SPAG17: variants seen among roughly 807,000 people sequenced by gnomAD.
SPAG17 encodes the protein sperm associated antigen 17.
Under a neutral mutation model 273.6 loss-of-function variants are expected in SPAG17, and 169 were observed. That is an observed-to-expected ratio of 0.62 (90% CI 0.55 to 0.70). SPAG17 has a LOEUF of 0.70. SPAG17 is among the 30% of genes least tolerant of loss of function. The probability of loss-of-function intolerance (pLI) is 0.00; values close to 1 mark genes in which losing one functional copy is unlikely to be tolerated. For synonymous variants in SPAG17, 825 were observed against 873.2 expected (o/e 0.94, Z 0.97); for missense variants, 2,557 against 2,627.8 (o/e 0.97, Z 0.59).
intron 10 of SPAG17, among the ~76,000 whole-genome samples, chr1:118,087,839 A>C (rs887620974): frequency 2.6e-5 from 4 of 152,224 alleles, no homozygotes; most frequent in Non-Finnish European, 4.4e-5. Context: ...GGCCTAGATA[A>C]TTACTTGTTG....
chr1:117,999,476 C>T (rs1658026587), intron 32 of SPAG17, among the ~76,000 whole-genome samples: 1 of 152,218 alleles, frequency 6.6e-6, no homozygotes, highest in Non-Finnish European at 1.5e-5. Flanking sequence ...TCTCCACATC[C>T]TCTCCAGCAT....
rs903854849 is a variant in SPAG17 at position 118,136,831 on chromosome 1, GTT to G, written c.315+13710_315+13711del. Among the ~76,000 whole-genome samples the G allele has an allele frequency of 7.8e-4, 103 of 131,550 alleles. No homozygotes were observed. The South Asian group carries it at 0.014, about 18-fold the overall frequency. The allele number at this position is 131,550 out of a possible 152,430, so 86.3% of individuals were successfully genotyped here. A position where few individuals can be genotyped will look rare whatever the true frequency, so the allele number is the denominator to read the frequency against. ...TGTGTGTGTGTGTGTGTGTGTGTGTGTTTTTAATGATGGAGGAATCATGAAAT... is the reference window on the plus strand; with the variant it reads ...TGTGTGTGTGTGTGTGTGTGTGTGTGTTTAATGATGGAGGAATCATGAAAT... On this transcript the variant is annotated intron_variant, in intron 3 of 48. Coordinates refer to ENST00000336338, the MANE Select transcript of SPAG17 (RefSeq NM_206996.4).
chr1:118,069,677 C>A (rs1571402501), intron 17 of SPAG17, among the ~76,000 whole-genome samples: 1 of 152,112 alleles, frequency 6.6e-6, no homozygotes. Context: ...AAGATATGGG[C>A]ATCAGCATTA....
intron 43 of SPAG17, 77 bp downstream of exon 43, chr1:117,981,193 C>T: frequency 6.9e-7 from 1 of 1,448,516 alleles, no homozygotes; most frequent in African/African-American, 1.5e-5. Flanking sequence ...ACCTCGCCTC[C>T]TAGCGCCATC....
intron 3 of SPAG17, among the ~76,000 whole-genome samples, chr1:118,143,244 T>A (rs1282012067): frequency 6.6e-6 from 1 of 152,240 alleles, no homozygotes; most frequent in South Asian, 2.1e-4. Context: ...GTAGCTTATA[T>A]TGAAGACATA....
intron 32 of SPAG17, among the ~76,000 whole-genome samples, chr1:117,999,874 T>C (rs1278517440): frequency 2.0e-5 from 3 of 152,226 alleles, no homozygotes; most frequent in Non-Finnish European, 4.4e-5. Flanking sequence ...TTGTTTTTGG[T>C]GTTTTAGTCA....
intron 24 of SPAG17, 81 bp downstream of exon 24, chr1:118,036,689 A>C: frequency 1.1e-6 from 1 of 878,590 alleles, no homozygotes. Flanking sequence ...TGTTATTGAC[A>C]AGTGAGCAGA....
At chr1:118,028,460 C>G (rs1351666760) in intron 25 of SPAG17, 66 bp from the exon 26 acceptor site, 1 of 1,586,712 alleles carries the variant, frequency 6.3e-7, no homozygotes, top group Non-Finnish European at 8.6e-7. Flanking sequence ...TTTATTTTGA[C>G]TAAGCCAGGA....
chr1:118,025,576 T>C (rs1253893927), intron 26 of SPAG17, among the ~76,000 whole-genome samples, 160 bp from the exon 27 acceptor site: 2 of 152,172 alleles, frequency 1.3e-5, no homozygotes, highest in Non-Finnish European at 2.9e-5. Context: ...GGTGCAATCA[T>C]AGCTCACTGC....
At position 118,008,034 on chromosome 1, in the gene SPAG17, G is replaced by A. The variant is rs375530299; in HGVS notation, c.4587+10C>T. 8.3e-5 allele frequency: 134 copies of A among 1,613,540 alleles called. No individual in the cohort carries two copies. Among genetic ancestry groups the A allele is most frequent in the African/African-American group, 4.5e-4 (34 of 74,838 alleles). On this transcript the variant is annotated intron_variant, in intron 31 of 48. Coordinates refer to ENST00000336338, the MANE Select transcript of SPAG17 (RefSeq NM_206996.4). ...ATCTTTGGCGCTTCTCATTTTCCTC[G>A]TAGACCTACCTGGTATGTTCCCTGT...
At chr1:117,957,971 CTTAT>C (rs888736470) in intron 48 of SPAG17, among the ~76,000 whole-genome samples, 1 of 152,204 alleles carries the variant, frequency 6.6e-6, no homozygotes, top group Non-Finnish European at 1.5e-5. Context: ...TATATTCTTA[CTTAT>C]GAAGATTCTG....
intron 29 of SPAG17, among the ~76,000 whole-genome samples, chr1:118,013,972 A>C (rs1305920945): frequency 1.3e-5 from 2 of 152,190 alleles, no homozygotes; most frequent in African/African-American, 4.8e-5. Context: ...CTTGAAACAC[A>C]GGTCTGCCTC....
chr1:118,112,352 G>A (rs1405486592), intron 4 of SPAG17, among the ~76,000 whole-genome samples: 1 of 151,996 alleles, frequency 6.6e-6, no homozygotes, highest in Non-Finnish European at 1.5e-5. Context: ...AACATGATGA[G>A]AATATATTTG....
chr1:118,097,868 G>A lies in SPAG17; in HGVS notation c.830-17C>T, dbSNP rs145676830. ...CTTCTAGATCTAATAATAGCAACAT[G>A]TTTATATTACCAAATGAGAGTGTTA... is the stretch of plus-strand genomic sequence containing the variant. On this transcript the variant is annotated splice_polypyrimidine_tract_variant and intron_variant, in intron 6 of 48. Transcript: ENST00000336338. 2.0e-4 allele frequency: 310 copies of A among 1,527,034 alleles called. 2 individuals are homozygous for A. The African/African-American group carries it at 3.8e-3, about 19-fold the overall frequency. The allele number at this position is 1,527,034 out of a possible 1,614,324, so 94.6% of individuals were successfully genotyped here. A position where few individuals can be genotyped will look rare whatever the true frequency, so the allele number is the denominator to read the frequency against.
chr1:118,069,591 C>A (rs1653364960), intron 17 of SPAG17, among the ~76,000 whole-genome samples: 1 of 151,982 alleles, frequency 6.6e-6, no homozygotes, highest in South Asian at 2.1e-4. Context: ...GAGATGGATA[C>A]TAAATTTGAT....
At chr1:118,142,631 A>G (rs552752337) in intron 3 of SPAG17, among the ~76,000 whole-genome samples, 1 of 152,308 alleles carries the variant, frequency 6.6e-6, no homozygotes, top group Admixed American at 6.5e-5. Context: ...GTGCCAGGTA[A>G]TAAGTATTTT....
chr1:118,163,620 G>A (rs182244992), intron 1 of SPAG17, among the ~76,000 whole-genome samples: 4 of 146,606 alleles, frequency 2.7e-5, no homozygotes, highest in Admixed American at 7.0e-5. Context: ...CCCTCGCCTC[G>A]CCTTGTTTTC....
rs547707787 is a variant in SPAG17, at chr1:117,971,775, A to G, written c.6326+88T>C. 4 of 1,161,290 alleles carry G rather than the reference A, an allele frequency of 3.4e-6. No homozygotes were observed. The African/African-American group carries it at 6.2e-5, about 18-fold the overall frequency. 71.9% of individuals were successfully genotyped at this position (1,161,290 alleles called of 1,614,324 possible). On this transcript the variant is annotated intron_variant, in intron 45 of 48. Coordinates refer to ENST00000336338, the MANE Select transcript of SPAG17 (RefSeq NM_206996.4). ...TCAAGGAGTAATTACAGTTCGGTTCAATAAACATTTATTGATGGAGGTGAC... is the reference window on the plus strand; with the variant it reads ...TCAAGGAGTAATTACAGTTCGGTTCGATAAACATTTATTGATGGAGGTGAC...
intron 32 of SPAG17, among the ~76,000 whole-genome samples, chr1:118,004,603 G>A (rs145420697): frequency 1.8e-3 from 276 of 152,382 alleles, no homozygotes; most frequent in Middle Eastern, 3.4e-3. Flanking sequence ...CTCCTTGGGC[G>A]TGAGATCCAC....
Sources: gnomAD v4.1 joint callset for allele counts (sites outside exome capture counted in the v4.1 genomes callset) on GRCh38, gnomAD v4.1.1 for gene constraint, MANE v1.5 for transcripts, NCBI Gene and HGNC (gene_info 2026-07-23, HGNC 2026-07-21) for gene names.